The following CSMD1 variants were observed in gnomAD, a reference collection of about 807,000 sequenced individuals.
CSMD1 encodes the protein CUB and Sushi multiple domains 1.
CSMD1 carries 213 observed loss-of-function variants against 417.5 expected under a neutral mutation model. That is an observed-to-expected ratio of 0.51 (90% CI 0.46 to 0.57). CSMD1 has a LOEUF of 0.57. CSMD1 is among the 20% of genes least tolerant of loss of function. The pLI, the probability that CSMD1 is intolerant of heterozygous loss-of-function variation, is 0.00. For synonymous variants in CSMD1, 2,862 were observed against 1,736.8 expected (o/e 1.65, Z -16.11); for missense variants, 6,923 against 4,529.7 (o/e 1.53, Z -15.17).
intron 10 of CSMD1, among the ~76,000 whole-genome samples, chr8:3,557,016 C>T (rs529706094): frequency 1.3e-3 from 191 of 152,306 alleles, no homozygotes; most frequent in Middle Eastern, 6.8e-3. Flanking sequence ...TTGTAATCTG[C>T]ACTTTGGTGG....
chr8:3,257,576 G>A (rs1274237666), intron 26 of CSMD1, among the ~76,000 whole-genome samples: 1 of 152,166 alleles, frequency 6.6e-6, no homozygotes, highest in Non-Finnish European at 1.5e-5. Context: ...ATTTCAGGTG[G>A]GCTGGTCATG....
intron 12 of CSMD1, among the ~76,000 whole-genome samples, chr8:3,465,661 G>T (rs1291494424): frequency 6.6e-6 from 1 of 152,192 alleles, no homozygotes; most frequent in African/African-American, 2.4e-5. Flanking sequence ...GGCTATTCCT[G>T]ATTTCTTGTC....
At chr8:3,094,438 C>T (rs1414557218) in intron 47 of CSMD1, among the ~76,000 whole-genome samples, 2 of 152,124 alleles carry the variant, frequency 1.3e-5, no homozygotes, top group South Asian at 4.1e-4. Context: ...CATCTGAACC[C>T]TCATAATGTT....
At chr8:4,509,562 C>T (rs1282752761) in intron 2 of CSMD1, among the ~76,000 whole-genome samples, 1 of 152,162 alleles carries the variant, frequency 6.6e-6, no homozygotes, top group South Asian at 2.1e-4. Context: ...GGATGCTGGT[C>T]AGGAAAGCCA....
intron 18 of CSMD1, among the ~76,000 whole-genome samples, chr8:3,375,451 G>C (rs1810245437): frequency 6.6e-6 from 1 of 151,778 alleles, no homozygotes; most frequent in Non-Finnish European, 1.5e-5. Flanking sequence ...AGTTCTATTT[G>C]AAGTCAGACT....
At chr8:4,400,472 C>G (rs753187480) in intron 3 of CSMD1, among the ~76,000 whole-genome samples, 9 of 152,202 alleles carry the variant, frequency 5.9e-5, no homozygotes, top group Admixed American at 4.6e-4. Context: ...TTGCTCCACG[C>G]AAATTCTTGT....
At chr8:4,197,086 C>G (rs529501355) in intron 3 of CSMD1, among the ~76,000 whole-genome samples, 1 of 152,098 alleles carries the variant, frequency 6.6e-6, no homozygotes, top group Non-Finnish European at 1.5e-5. Flanking sequence ...GGAAATGAAA[C>G]ATCAAGATGA....
At chr8:3,517,844 G>C (rs1475732019) in intron 10 of CSMD1, among the ~76,000 whole-genome samples, 2 of 152,100 alleles carry the variant, frequency 1.3e-5, no homozygotes, top group African/African-American at 4.8e-5. Flanking sequence ...ACCCATCCTA[G>C]AAATCCTCAA....
At chr8:4,025,025 G>T (rs1359340022) in intron 4 of CSMD1, among the ~76,000 whole-genome samples, 3 of 152,170 alleles carry the variant, frequency 2.0e-5, no homozygotes, top group African/African-American at 4.8e-5. Context: ...GATTACATAG[G>T]TAGAATTAGG....
At chr8:4,890,523 C>A (rs1414222458) in intron 1 of CSMD1, among the ~76,000 whole-genome samples, 4 of 150,422 alleles carry the variant, frequency 2.7e-5, no homozygotes, top group Non-Finnish European at 5.9e-5. Context: ...CAGGTGAGAG[C>A]GTGACTCTGA....
At chr8:4,444,874 G>A (rs1798690613) in intron 2 of CSMD1, among the ~76,000 whole-genome samples, 1 of 152,172 alleles carries the variant, frequency 6.6e-6, no homozygotes, top group African/African-American at 2.4e-5. Context: ...TGCAGCCAAG[G>A]TAATTGATTG....
At chr8:4,033,673 T>G (rs1223261515) in intron 3 of CSMD1, among the ~76,000 whole-genome samples, 3 of 152,176 alleles carry the variant, frequency 2.0e-5, no homozygotes, top group Admixed American at 1.3e-4. Context: ...TGACTCGTAT[T>G]TGGCTCAGAA....
chr8:2,970,729 C>A (rs1186179619), intron 57 of CSMD1, among the ~76,000 whole-genome samples: 5 of 152,192 alleles, frequency 3.3e-5, no homozygotes, highest in Non-Finnish European at 7.4e-5. Flanking sequence ...TGTCACAATT[C>A]ACAAACCCAC....
Position 3,142,599 on chromosome 8 carries a change from T to C in CSMD1, c.6107A>G (p.His2036Arg), listed in dbSNP as rs377414226. 7.4e-6 allele frequency: 12 copies of C among 1,613,790 alleles called. No individual in the cohort carries two copies. The highest frequency in any genetic ancestry group is 1.3e-5 in the African/African-American group (1 of 74,900). Residue 2036 changes from histidine to arginine, a missense_variant, in exon 41 of 70, where the codon CAC becomes CGC. His to Arg is a conservative substitution (Grantham distance 29). Transcript: ENST00000635120. Reference sequence around the variant, plus strand: ...AAATTGTCCAATCATGGGGCTGGTGTGGTAAGGTCCATTTTGAATTTCAAG... The same window carrying C: ...AAATTGTCCAATCATGGGGCTGGTGCGGTAAGGTCCATTTTGAATTTCAAG... ...DFLEIQNGPY[H>R]TSPMIGQFSG...
At chr8:3,280,117 C>T (rs1386418195) in intron 26 of CSMD1, among the ~76,000 whole-genome samples, 1 of 152,116 alleles carries the variant, frequency 6.6e-6, no homozygotes, top group East Asian at 1.9e-4. Flanking sequence ...CCCTGACATG[C>T]CCTCCTGCCC....
intron 23 of CSMD1, among the ~76,000 whole-genome samples, chr8:3,309,955 C>T (rs1472489400): frequency 6.6e-6 from 1 of 152,120 alleles, no homozygotes; most frequent in Non-Finnish European, 1.5e-5. Flanking sequence ...AAGAGTCAGT[C>T]TTTACCAACC....
chr8:4,537,410 G>A (rs910674260), intron 2 of CSMD1, among the ~76,000 whole-genome samples: 2 of 152,008 alleles, frequency 1.3e-5, no homozygotes, highest in Non-Finnish European at 2.9e-5. Flanking sequence ...TAGCTTTTCT[G>A]TTTTGTGATT....
chr8:4,194,969 G>C (rs1157844195), intron 3 of CSMD1, among the ~76,000 whole-genome samples: 1 of 151,752 alleles, frequency 6.6e-6, no homozygotes, highest in Admixed American at 6.6e-5. Flanking sequence ...TATGAGAATG[G>C]ACTATCTAGC....
intron 1 of CSMD1, among the ~76,000 whole-genome samples, chr8:4,784,091 C>T (rs531559031): frequency 6.6e-6 from 1 of 152,308 alleles, no homozygotes; most frequent in South Asian, 2.1e-4. Context: ...ATTTGGTTCT[C>T]TATGTCTTGA....
Sources: gnomAD v4.1 joint callset for allele counts (sites outside exome capture counted in the v4.1 genomes callset) on GRCh38, gnomAD v4.1.1 for gene constraint, MANE v1.5 for transcripts, NCBI Gene and HGNC (gene_info 2026-07-23, HGNC 2026-07-21) for gene names.